Variants in DGKI observed in about 807,000 individuals in gnomAD.
The protein encoded by DGKI is diacylglycerol kinase iota.
DGKI carries 55 observed loss-of-function variants against 147.5 expected under a neutral mutation model. That is an observed-to-expected ratio of 0.37 (90% CI 0.30 to 0.47). The LOEUF (loss-of-function observed/expected upper bound fraction) is 0.47, where lower values mean the gene tolerates loss of function less well. Ranked by LOEUF, DGKI falls within the 20% of genes least tolerant of loss-of-function variation. DGKI has a pLI of 1.00. For missense variants in DGKI, 1,007 were observed against 1,323.8 expected (o/e 0.76, Z 3.71); for synonymous variants, 469 against 477.1 (o/e 0.98, Z 0.22).
chr7:137,398,635 A>T (rs1020383525), intron 30 of DGKI, among the ~76,000 whole-genome samples: 2 of 152,108 alleles, frequency 1.3e-5, no homozygotes, highest in Non-Finnish European at 2.9e-5. Flanking sequence ...CATGAAAGTC[A>T]TTGGCCAAGG....
chr7:137,549,817 AAG>A (rs1418811584), intron 20 of DGKI, among the ~76,000 whole-genome samples: 1 of 152,254 alleles, frequency 6.6e-6, no homozygotes. Flanking sequence ...GTAAAATTGA[AAG>A]AAATATTTAA....
chr7:137,737,409 A>G (rs557267363), intron 1 of DGKI, among the ~76,000 whole-genome samples: 1 of 152,166 alleles, frequency 6.6e-6, no homozygotes, highest in African/African-American at 2.4e-5. Context: ...AATCTGTTCC[A>G]TGCATTTAAG....
At chr7:137,690,079 C>A (rs993490174) in intron 1 of DGKI, 77 bp from the exon 2 acceptor site, 2 of 1,114,488 alleles carry the variant, frequency 1.8e-6, no homozygotes, top group African/African-American at 1.6e-5. Context: ...CAAAATTTCC[C>A]ATGGGGTAGA....
intron 1 of DGKI, among the ~76,000 whole-genome samples, chr7:137,810,534 A>G (rs1797529467): frequency 6.6e-6 from 1 of 152,192 alleles, no homozygotes; most frequent in Non-Finnish European, 1.5e-5. Flanking sequence ...CTCACCAAAA[A>G]GCACATGTCC....
Position 137,423,591 on chromosome 7 carries a change from T to A in DGKI, c.2762-11384A>T, listed in dbSNP as rs116542786. Among the ~76,000 whole-genome samples the A allele has an allele frequency of 7.6e-3, 1,154 of 152,302 alleles. 13 individuals carry two copies. Among genetic ancestry groups the A allele is most frequent in the African/African-American group, 0.026 (1,069 of 41,564 alleles). ...AAAAAGATTATAAGCTTATAAGTCA[T>A]CCAGTCATCAGGATACACATTACAT... On this transcript the variant is annotated intron_variant, in intron 28 of 32. Transcript: ENST00000614521.
At chr7:137,453,842 T>C (rs933587119) in intron 27 of DGKI, among the ~76,000 whole-genome samples, 4 of 152,096 alleles carry the variant, frequency 2.6e-5, no homozygotes, top group Non-Finnish European at 5.9e-5. Context: ...CCCTTTATTA[T>C]CATAATTTCC....
At chr7:137,513,324 A>G (rs567265157) in intron 21 of DGKI, among the ~76,000 whole-genome samples, 1 of 152,106 alleles carries the variant, frequency 6.6e-6, no homozygotes, top group Non-Finnish European at 1.5e-5. Flanking sequence ...CTTACCACCT[A>G]CTCGAAGGCA....
At chr7:137,825,717 T>C (rs1208253360) in intron 1 of DGKI, among the ~76,000 whole-genome samples, 2 of 150,298 alleles carry the variant, frequency 1.3e-5, no homozygotes, top group Non-Finnish European at 3.0e-5. Flanking sequence ...CTCACACACA[T>C]ACACACACAC....
At chr7:137,833,531 T>C (rs566705597) in intron 1 of DGKI, among the ~76,000 whole-genome samples, 2 of 152,302 alleles carry the variant, frequency 1.3e-5, no homozygotes, top group South Asian at 4.1e-4. Context: ...ATGGGAATTA[T>C]GAGAGTACAA....
intron 1 of DGKI, among the ~76,000 whole-genome samples, chr7:137,788,635 T>TACACACACAC (rs745381286): frequency 1.8e-3 from 218 of 120,188 alleles, no homozygotes; most frequent in African/African-American, 7.6e-3. Flanking sequence ...AACCCATAAA[T>TACACACACAC]ACACACACAC....
intron 2 of DGKI, among the ~76,000 whole-genome samples, chr7:137,689,279 G>A (rs892942570): frequency 6.6e-6 from 1 of 152,180 alleles, no homozygotes; most frequent in South Asian, 2.1e-4. Context: ...CAGTTACTCG[G>A]CCAAGAACTC....
chr7:137,678,446 T>A, intron 3 of DGKI, 111 bp downstream of exon 3: 2 of 988,934 alleles, frequency 2.0e-6, no homozygotes, highest in South Asian at 1.4e-5. Context: ...AAGTTTTCCA[T>A]CTCACAAGGA....
At chr7:137,540,928 A>T (rs1336426970) in intron 20 of DGKI, among the ~76,000 whole-genome samples, 1 of 152,148 alleles carries the variant, frequency 6.6e-6, no homozygotes, top group East Asian at 1.9e-4. Flanking sequence ...ATGAACTGAG[A>T]GTCTCAACAC....
chr7:137,391,345 A>G lies in DGKI; in HGVS notation c.3058-9T>C. 6.6e-7 allele frequency: 1 copy of G among 1,515,114 alleles called. No individual in the cohort carries two copies. The highest frequency in any genetic ancestry group is 8.9e-7 in the Non-Finnish European group (1 of 1,127,762). The allele number at this position is 1,515,114 out of a possible 1,614,324, so 93.9% of individuals were successfully genotyped here. On this transcript the variant is annotated splice_polypyrimidine_tract_variant and intron_variant, in intron 32 of 32. Coordinates refer to ENST00000614521, the MANE Select transcript of DGKI (RefSeq NM_001321708.2). Reference sequence around the variant, plus strand: ...TCTTGAGGTGTCTTACCCTATACGAAAATAGTGAGAAAAAAAAAAAGAGAG... The same window carrying G: ...TCTTGAGGTGTCTTACCCTATACGAGAATAGTGAGAAAAAAAAAAAGAGAG...
At chr7:137,592,626 G>A (rs1166072896) in intron 12 of DGKI, among the ~76,000 whole-genome samples, 2 of 152,240 alleles carry the variant, frequency 1.3e-5, no homozygotes, top group Non-Finnish European at 2.9e-5. Flanking sequence ...GCGCTGCCTT[G>A]TAGTACATGC....
intron 1 of DGKI, among the ~76,000 whole-genome samples, chr7:137,747,004 C>T (rs1020902463): frequency 6.6e-6 from 1 of 152,082 alleles, no homozygotes; most frequent in African/African-American, 2.4e-5. Context: ...CTGGGAATTC[C>T]TCAAAATCAT....
chr7:137,383,620 G>C lies in DGKI; in HGVS notation c.*7600C>G, dbSNP rs2128889677. 1 of 152,014 alleles carries C rather than the reference G, an allele frequency of 6.6e-6. No individual in the cohort carries two copies. The highest frequency in any genetic ancestry group is 1.9e-4 in the East Asian group (1 of 5,160). 9.4% of individuals were successfully genotyped at this position (152,014 alleles called of 1,614,324 possible). On this transcript the variant is annotated 3_prime_UTR_variant, in exon 33 of 33. Transcript: ENST00000614521. ...TTGTTCAATCTTCACTTAACTACTA[G>C]AAGAAACAGTGATAACAACTTCACT...
chr7:137,585,153 T>C (rs1004050848), intron 14 of DGKI, 56 bp downstream of exon 14: 85 of 1,598,640 alleles, frequency 5.3e-5, no homozygotes, highest in Non-Finnish European at 6.9e-5. Flanking sequence ...TTTTTTTTCC[T>C]GTAGCTCAGG....
intron 3 of DGKI, among the ~76,000 whole-genome samples, chr7:137,671,300 G>A: frequency 6.6e-6 from 1 of 152,222 alleles, no homozygotes. Flanking sequence ...GACACAGCTT[G>A]TGAGATGAGA....
Sources: gnomAD v4.1 joint callset for allele counts (sites outside exome capture counted in the v4.1 genomes callset) on GRCh38, gnomAD v4.1.1 for gene constraint, MANE v1.5 for transcripts, NCBI Gene and HGNC (gene_info 2026-07-23, HGNC 2026-07-21) for gene names.